The following ANGPT1 variants were observed in gnomAD, a reference collection of about 807,000 sequenced individuals.
ANGPT1 encodes the protein angiopoietin 1.
Under a neutral mutation model 62.2 loss-of-function variants are expected in ANGPT1, and 17 were observed. That is an observed-to-expected ratio of 0.27 (90% CI 0.19 to 0.41). ANGPT1 has a LOEUF of 0.41. Among genes scored for constraint, ANGPT1 ranks in the 10% least tolerant of loss-of-function variants. ANGPT1 has a pLI of 1.00. For synonymous variants in ANGPT1, 199 were observed against 198.9 expected (o/e 1.00, Z 0.00); for missense variants, 478 against 594.9 (o/e 0.80, Z 2.04).
intron 1 of ANGPT1, among the ~76,000 whole-genome samples, chr8:107,353,099 A>G (rs1362524912): frequency 6.6e-6 from 1 of 152,220 alleles, no homozygotes; most frequent in Non-Finnish European, 1.5e-5. Context: ...TTTAGCTAAC[A>G]TTTAAAATGG....
intron 7 of ANGPT1, among the ~76,000 whole-genome samples, chr8:107,273,671 G>C (rs189914180): frequency 3.3e-5 from 5 of 151,834 alleles, no homozygotes; most frequent in Non-Finnish European, 7.4e-5. Flanking sequence ...CCTCATGAGC[G>C]CTTACTCATT....
chr8:107,332,812 C>T (rs1360082527), intron 3 of ANGPT1, among the ~76,000 whole-genome samples: 2 of 152,200 alleles, frequency 1.3e-5, no homozygotes, highest in Non-Finnish European at 1.5e-5. Flanking sequence ...AGTGTATTAG[C>T]TGATCCAAAC....
At chr8:107,299,284 A>G (rs2130205663) in intron 5 of ANGPT1, among the ~76,000 whole-genome samples, 1 of 150,548 alleles carries the variant, frequency 6.6e-6, no homozygotes, top group East Asian at 2.0e-4. Context: ...TTCAAAGTCA[A>G]TATTCAATAT....
chr8:107,372,658 G>A (rs986233646), intron 1 of ANGPT1, among the ~76,000 whole-genome samples: 1 of 151,908 alleles, frequency 6.6e-6, no homozygotes, highest in Non-Finnish European at 1.5e-5. Flanking sequence ...CCATGGCCCA[G>A]AGAAAGAAAG....
intron 7 of ANGPT1, among the ~76,000 whole-genome samples, chr8:107,268,827 CAT>C (rs35683223): frequency 0.13 from 19,283 of 151,920 alleles, 1,273 homozygotes; most frequent in East Asian, 0.25. Context: ...TAAACAGTGA[CAT>C]ATATTGGTTG....
At chr8:107,343,290 T>C (rs1815735272) in intron 2 of ANGPT1, among the ~76,000 whole-genome samples, 1 of 152,058 alleles carries the variant, frequency 6.6e-6, no homozygotes, top group African/African-American at 2.4e-5. Flanking sequence ...AGAGGAGGTT[T>C]GGAGAGGCTT....
intron 1 of ANGPT1, among the ~76,000 whole-genome samples, chr8:107,392,583 T>A (rs531055663): frequency 2.0e-5 from 3 of 152,274 alleles, no homozygotes; most frequent in African/African-American, 7.2e-5. Flanking sequence ...AACACAAATC[T>A]ATCTTTATTT....
At chr8:107,346,092 C>A (rs900181645) in intron 2 of ANGPT1, among the ~76,000 whole-genome samples, 3 of 152,162 alleles carry the variant, frequency 2.0e-5, no homozygotes, top group African/African-American at 7.2e-5. Flanking sequence ...TAGGTTTTAT[C>A]TGTATCAGTC....
At chr8:107,283,425 G>A (rs531984441) in intron 7 of ANGPT1, among the ~76,000 whole-genome samples, 4 of 151,702 alleles carry the variant, frequency 2.6e-5, no homozygotes, top group Admixed American at 1.3e-4. Flanking sequence ...ACTATTTGTC[G>A]AGAAAATGAT....
At chr8:107,420,060 G>A (rs567526966) in intron 1 of ANGPT1, among the ~76,000 whole-genome samples, 8 of 152,298 alleles carry the variant, frequency 5.3e-5, no homozygotes, top group Non-Finnish European at 7.3e-5. Flanking sequence ...CTTTGACTCA[G>A]ATACCATGAA....
At chr8:107,464,975 C>T (rs552468337) in intron 1 of ANGPT1, among the ~76,000 whole-genome samples, 1 of 151,998 alleles carries the variant, frequency 6.6e-6, no homozygotes, top group Non-Finnish European at 1.5e-5. Flanking sequence ...TATTTGGTCT[C>T]CTATAAAATA....
intron 8 of ANGPT1, 55 bp downstream of exon 8, chr8:107,264,166 C>A: frequency 7.0e-6 from 11 of 1,560,950 alleles, no homozygotes; most frequent in South Asian, 1.2e-5. Context: ...AGATAAGAAA[C>A]CTTAAGCCCC....
At chr8:107,377,445 C>T (rs576429218) in intron 1 of ANGPT1, among the ~76,000 whole-genome samples, 2 of 152,306 alleles carry the variant, frequency 1.3e-5, no homozygotes, top group Admixed American at 1.3e-4. Flanking sequence ...AGACCTCATT[C>T]ACCTGTTCAT....
At chr8:107,323,166 T>A (rs748612705) in intron 3 of ANGPT1, among the ~76,000 whole-genome samples, 13 of 152,156 alleles carry the variant, frequency 8.5e-5, no homozygotes, top group Non-Finnish European at 1.8e-4. Flanking sequence ...ATATTGCACA[T>A]TAAAAATGAT....
intron 1 of ANGPT1, among the ~76,000 whole-genome samples, chr8:107,445,640 A>G (rs1811596956): frequency 6.6e-6 from 1 of 152,160 alleles, no homozygotes; most frequent in Non-Finnish European, 1.5e-5. Flanking sequence ...TTTATCGGGC[A>G]TCTAGCCAAG....
chr8:107,381,769 T>A (rs1339023854), intron 1 of ANGPT1, among the ~76,000 whole-genome samples: 2 of 152,172 alleles, frequency 1.3e-5, no homozygotes, highest in African/African-American at 2.4e-5. Flanking sequence ...ACAGTGGGCA[T>A]GACAGGAATT....
intron 8 of ANGPT1, among the ~76,000 whole-genome samples, chr8:107,255,291 A>G (rs1313278921): frequency 1.3e-5 from 2 of 152,178 alleles, no homozygotes; most frequent in Admixed American, 6.5e-5. Context: ...GAGCTTCTAT[A>G]TAGTCTGTAC....
intron 1 of ANGPT1, among the ~76,000 whole-genome samples, chr8:107,446,802 T>C (rs1811635843): frequency 6.6e-6 from 1 of 152,230 alleles, no homozygotes; most frequent in East Asian, 1.9e-4. Flanking sequence ...CTTGAGGCTC[T>C]CAAATTTTAC....
chr8:107,331,761 C>G (rs1003893229), intron 3 of ANGPT1, among the ~76,000 whole-genome samples: 2 of 152,156 alleles, frequency 1.3e-5, no homozygotes, highest in Non-Finnish European at 1.5e-5. Flanking sequence ...ATTGCTCAAA[C>G]TATGTAGGAA....
Sources: gnomAD v4.1 joint callset for allele counts (sites outside exome capture counted in the v4.1 genomes callset) on GRCh38, gnomAD v4.1.1 for gene constraint, MANE v1.5 for transcripts, NCBI Gene and HGNC (gene_info 2026-07-23, HGNC 2026-07-21) for gene names.